The following SPOCK3 variants were observed in gnomAD, a reference collection of about 807,000 sequenced individuals.
SPOCK3 encodes SPARC (osteonectin), cwcv and kazal like domains proteoglycan 3, also known as testican-3.
A neutral mutation model predicts 56.6 loss-of-function variants in SPOCK3; 30 were observed. The ratio of observed to expected loss-of-function variants is 0.53; its 90% CI spans 0.40 to 0.72. The LOEUF (loss-of-function observed/expected upper bound fraction) is 0.72. Among genes scored for constraint, SPOCK3 ranks in the 30% least tolerant of loss-of-function variants. SPOCK3 has a pLI of 0.00. For synonymous variants in SPOCK3, 196 were observed against 183.3 expected, an observed-to-expected ratio of 1.07 and a Z score of -0.56; for missense variants, 527 against 530.0, an observed-to-expected ratio of 0.99 and a Z score of 0.06.
At chr4:166,930,046 G>C (rs1267477724) in intron 4 of SPOCK3, among the ~76,000 whole-genome samples, 1 of 151,960 alleles carries the variant, frequency 6.6e-6, no homozygotes, top group African/African-American at 2.4e-5. Context: ...TTTTGTTTTG[G>C]AATACTTTCT....
At position 167,164,616 on chromosome 4, in the gene SPOCK3, G is replaced by A. The variant is rs186450683; in HGVS notation, c.189+69369C>T. The stretch of plus-strand genomic sequence containing the variant: ...TTCCCCCAACCCCCACACAGGCCCC[G>A]GTGTGTGATGTTCCCCTCCCTGTGT... On this transcript the variant is annotated intron_variant, in intron 2 of 10. Transcript: ENST00000357545. Among the ~76,000 whole-genome samples, 136 of 142,142 alleles carry A rather than the reference G, an allele frequency of 9.6e-4. 1 individual carries two copies. In the East Asian group the frequency reaches 0.024, roughly 25 times the overall value. 93.3% of individuals were successfully genotyped at this position (142,142 alleles called of 152,430 possible). A position where few individuals can be genotyped will look rare whatever the true frequency, so the allele number is the denominator to read the frequency against.
chr4:166,747,367 G>A (rs1735772677), intron 8 of SPOCK3, among the ~76,000 whole-genome samples: 1 of 152,116 alleles, frequency 6.6e-6, no homozygotes, highest in Non-Finnish European at 1.5e-5. Flanking sequence ...CACAAAAAGA[G>A]AACCAATGAC....
At chr4:167,037,501 A>C (rs553768495) in intron 3 of SPOCK3, among the ~76,000 whole-genome samples, 2 of 151,838 alleles carry the variant, frequency 1.3e-5, no homozygotes, top group East Asian at 3.9e-4. Context: ...GAAGAAAAAA[A>C]AAAAAAAAAC....
At chr4:166,858,887 A>T (rs1012820670) in intron 6 of SPOCK3, among the ~76,000 whole-genome samples, 2 of 152,152 alleles carry the variant, frequency 1.3e-5, no homozygotes, top group African/African-American at 4.8e-5. Flanking sequence ...AATTTGCTAT[A>T]TGTATATACA....
Position 167,054,571 on chromosome 4 carries a change from G to A in SPOCK3, c.235+7921C>T, listed in dbSNP as rs868547273. On this transcript the variant is annotated intron_variant, in intron 3 of 10. Coordinates refer to ENST00000357545, the MANE Select transcript of SPOCK3 (RefSeq NM_001040159.2). ...AGTAATATCACAGAAAAATCAGTGT[G>A]GAGATGCCCAGACCAATATATTGTT... Among the ~76,000 whole-genome samples, 31 of 152,294 alleles carry A rather than the reference G, an allele frequency of 2.0e-4. No homozygotes were observed. In the Middle Eastern group the frequency reaches 0.017, roughly 84 times the overall value.
At chr4:166,797,233 C>CTTTTTTTT (rs1028695610) in intron 6 of SPOCK3, among the ~76,000 whole-genome samples, 5 of 80,750 alleles carry the variant, frequency 6.2e-5, no homozygotes, top group African/African-American at 9.4e-5. Context: ...TTCCACCTTT[C>CTTTTTTTT]TTTTTTTTTT....
intron 4 of SPOCK3, among the ~76,000 whole-genome samples, chr4:166,962,337 G>A (rs977609806): frequency 1.3e-4 from 20 of 152,124 alleles, no homozygotes; most frequent in Admixed American, 3.9e-4. Context: ...AGTGTGTTAA[G>A]GTGTCACATG....
intron 4 of SPOCK3, among the ~76,000 whole-genome samples, chr4:166,975,751 G>C (rs1745871368): frequency 6.6e-6 from 1 of 151,990 alleles, no homozygotes; most frequent in African/African-American, 2.4e-5. Context: ...TCACAAATCA[G>C]TGAGAACATG....
At chr4:166,810,995 G>C (rs1743707283) in intron 6 of SPOCK3, among the ~76,000 whole-genome samples, 1 of 151,694 alleles carries the variant, frequency 6.6e-6, no homozygotes, top group South Asian at 2.1e-4. Context: ...TTTTTCTTCA[G>C]TATTTATCTA....
chr4:166,970,836 C>T (rs1371578317), intron 4 of SPOCK3, among the ~76,000 whole-genome samples: 1 of 152,016 alleles, frequency 6.6e-6, no homozygotes, highest in African/African-American at 2.4e-5. Context: ...TATATCAAGG[C>T]CATTTGGTAT....
chr4:166,755,091 AC>A (rs1419395963), intron 7 of SPOCK3, among the ~76,000 whole-genome samples: 3 of 152,100 alleles, frequency 2.0e-5, no homozygotes, highest in Non-Finnish European at 2.9e-5. Context: ...CTATTTTAAA[AC>A]ATCCTATGAA....
intron 2 of SPOCK3, among the ~76,000 whole-genome samples, chr4:167,116,541 A>C (rs1355900774): frequency 7.5e-6 from 1 of 133,750 alleles, no homozygotes; most frequent in African/African-American, 2.8e-5. Flanking sequence ...TATATATATA[A>C]AAGTATATAT....
chr4:167,213,552 A>T (rs1272737829), intron 2 of SPOCK3, among the ~76,000 whole-genome samples: 1 of 152,146 alleles, frequency 6.6e-6, no homozygotes, highest in African/African-American at 2.4e-5. Flanking sequence ...TCTTTTTGCC[A>T]ATATCATCTG....
chr4:166,971,184 A>G (rs1283951707), intron 4 of SPOCK3, among the ~76,000 whole-genome samples: 2 of 152,224 alleles, frequency 1.3e-5, no homozygotes, highest in African/African-American at 2.4e-5. Context: ...AAGGTTCATG[A>G]ATTTTCTGAC....
intron 2 of SPOCK3, among the ~76,000 whole-genome samples, chr4:167,104,850 A>G (rs1759957695): frequency 6.6e-6 from 1 of 151,902 alleles, no homozygotes; most frequent in Admixed American, 6.6e-5. Flanking sequence ...AAAAGAAAAA[A>G]AAAAAAAGAC....
chr4:166,940,463 C>T (rs537696446), intron 4 of SPOCK3, among the ~76,000 whole-genome samples: 103 of 151,874 alleles, frequency 6.8e-4, no homozygotes, highest in Non-Finnish European at 1.4e-3. Flanking sequence ...CCATGGTGAC[C>T]GTACAATCAA....
chr4:167,084,528 G>A (rs1170853779), intron 2 of SPOCK3, among the ~76,000 whole-genome samples: 1 of 152,128 alleles, frequency 6.6e-6, no homozygotes, highest in Non-Finnish European at 1.5e-5. Context: ...TGTCTTGACA[G>A]CTGCTTTTGC....
At chr4:167,034,400 C>G (rs999115708) in intron 3 of SPOCK3, among the ~76,000 whole-genome samples, 1 of 151,670 alleles carries the variant, frequency 6.6e-6, no homozygotes, top group Non-Finnish European at 1.5e-5. Context: ...GATACAAGGT[C>G]GTCCCGGTAT....
chr4:167,233,634 C>T (rs1351233578), intron 2 of SPOCK3, among the ~76,000 whole-genome samples: 3 of 152,132 alleles, frequency 2.0e-5, no homozygotes, highest in Admixed American at 1.3e-4. Flanking sequence ...CGCAAAGGCA[C>T]ATCTGCTGTG....
Sources: gnomAD v4.1 joint callset for allele counts (sites outside exome capture counted in the v4.1 genomes callset) on GRCh38, gnomAD v4.1.1 for gene constraint, MANE v1.5 for transcripts, NCBI Gene and HGNC (gene_info 2026-07-23, HGNC 2026-07-21) for gene names.